Variants in DPYSL4 observed in about 807,000 individuals in gnomAD.
DPYSL4 encodes dihydropyrimidinase-related protein 4.
Under a neutral mutation model 63.4 loss-of-function variants are expected in DPYSL4, and 43 were observed. That is an observed-to-expected ratio of 0.68 (90% CI 0.53 to 0.88). The LOEUF is 0.88. DPYSL4 is among the 40% of genes least tolerant of loss of function. The pLI, the probability that DPYSL4 is intolerant of heterozygous loss-of-function variation, is 0.00. For synonymous variants in DPYSL4, 353 were observed against 331.7 expected, an observed-to-expected ratio of 1.06 and a Z score of -0.70; for missense variants, 733 against 819.5, an observed-to-expected ratio of 0.89 and a Z score of 1.29.
intron 13 of DPYSL4, among the ~76,000 whole-genome samples, chr10:132,204,469 A>C (rs1258055863): frequency 6.6e-6 from 1 of 152,088 alleles, no homozygotes; most frequent in African/African-American, 2.4e-5. Flanking sequence ...CTGGGGACTC[A>C]GGCCTGGGGG....
chr10:132,192,764 C>A lies in DPYSL4; in HGVS notation c.235C>A (p.Pro79Thr), dbSNP rs774754712. ...TGACGTCCACACAAGGCTGCAGATG[C>A]CTGTCCTGGGCATGACACCGGCTGA... is the stretch of plus-strand genomic sequence containing the variant. ...GVDVHTRLQMPVLGMTPADDF... is the reference protein window; with the variant it reads ...GVDVHTRLQMTVLGMTPADDF... Residue 79 changes from proline (P) to threonine (T), a missense_variant, in exon 3 of 14, where the codon CCT becomes ACT. Coordinates refer to ENST00000338492, the MANE Select transcript of DPYSL4 (RefSeq NM_006426.3). 6.2e-7 allele frequency: 1 copy of A among 1,613,356 alleles called. No individual in the cohort carries two copies.
At chr10:132,195,076 T>C (rs934556222) in intron 4 of DPYSL4, 67 bp downstream of exon 4, 8 of 1,526,078 alleles carry the variant, frequency 5.2e-6, no homozygotes, top group African/African-American at 2.7e-5. Context: ...GCCCTGACCC[T>C]GTGTTCTGCC....
At chr10:132,195,986 C>T (rs755031522) in intron 4 of DPYSL4, among the ~76,000 whole-genome samples, 4 of 152,224 alleles carry the variant, frequency 2.6e-5, no homozygotes, top group Non-Finnish European at 5.9e-5. Context: ...GACAGCACTG[C>T]GCAACCCAAA....
Position 132,205,109 on chromosome 10 carries a change from GC to G in DPYSL4, c.*183del. 2.1e-6 allele frequency: 1 copy of G among 471,520 alleles called. No individual in the cohort carries two copies. The highest frequency in any genetic ancestry group is 3.7e-6 in the Non-Finnish European group (1 of 269,148). 29.2% of individuals were successfully genotyped at this position (471,520 alleles called of 1,614,324 possible). ...GGGGTCCCAGGTCCTGCTGCCAAGA[GC>G]CCCTCAAGAGAAGGGCTGAACCTGG... On this transcript the variant is annotated 3_prime_UTR_variant, in exon 14 of 14. Transcript: ENST00000338492.
intron 8 of DPYSL4, among the ~76,000 whole-genome samples, 183 bp downstream of exon 8, chr10:132,199,154 G>C (rs1408307672): frequency 6.6e-6 from 1 of 152,186 alleles, no homozygotes; most frequent in African/African-American, 2.4e-5. Context: ...CTGGACCTGA[G>C]TTTCCAGCCT....
intron 12 of DPYSL4, among the ~76,000 whole-genome samples, chr10:132,203,168 G>A (rs1590106774): frequency 1.3e-5 from 2 of 152,200 alleles, no homozygotes; most frequent in South Asian, 4.1e-4. Flanking sequence ...CTGCCCAGTT[G>A]GACCTCAGTG....
rs746602845 is a variant in DPYSL4, at chr10:132,203,886, C to T, written c.1586C>T (p.Pro529Leu). 11 of 1,612,376 alleles carry T rather than the reference C, an allele frequency of 6.8e-6. No individual in the cohort carries two copies. The highest frequency in any genetic ancestry group is 9.3e-6 in the Non-Finnish European group (11 of 1,179,228). Reference sequence around the variant, plus strand: ...TCCTGCCCAGGCAAGATCTCCGTCCCTCCTGTGCGCAACCTACATCAGTCG... The same window carrying T: ...TCCTGCCCAGGCAAGATCTCCGTCCTTCCTGTGCGCAACCTACATCAGTCG... Reference protein sequence around the residue: ...RASCPGKISVPPVRNLHQSGF... With the variant: ...RASCPGKISVLPVRNLHQSGF... Residue 529 changes from proline to leucine, a missense_variant, in exon 13 of 14, where the codon CCT (proline) becomes CTT (leucine). Transcript: ENST00000338492.
intron 10 of DPYSL4, among the ~76,000 whole-genome samples, chr10:132,201,313 C>T (rs925208788): frequency 5.3e-5 from 8 of 152,136 alleles, no homozygotes; most frequent in African/African-American, 9.7e-5. Flanking sequence ...CCTCACGACC[C>T]GTCGCACACC....
chr10:132,188,063 G>T (rs1312319719), intron 1 of DPYSL4, among the ~76,000 whole-genome samples: 1 of 152,166 alleles, frequency 6.6e-6, no homozygotes, highest in African/African-American at 2.4e-5. Flanking sequence ...CAGATGGGAG[G>T]GGCTGCTGCC....
rs764558162 is a variant in DPYSL4, at chr10:132,204,855, C to T, written c.1644C>T (p.Asp548=). ...TTTCTTCAGGGTCTCAGGCTGATGA[C>T]CACATCGCCCGACGCACAGCACAGA... is the stretch of plus-strand genomic sequence containing the variant. ...GFSLSGSQAD[D]HIARRTAQKI... is the part of the protein sequence containing the mutation. The change falls in exon 14 of 14, where the codon GAC becomes GAT. Residue 548 remains aspartate (D), a synonymous_variant. Transcript: ENST00000338492. 4 of 1,611,788 alleles carry T rather than the reference C, an allele frequency of 2.5e-6. No homozygotes were observed. Among genetic ancestry groups the T allele is most frequent in the Non-Finnish European group, 3.4e-6 (4 of 1,178,790 alleles).
chr10:132,188,690 A>G (rs758156319), intron 1 of DPYSL4, among the ~76,000 whole-genome samples: 33 of 152,226 alleles, frequency 2.2e-4, no homozygotes, highest in Non-Finnish European at 4.7e-4. Flanking sequence ...TTCCTGTCTC[A>G]GCTGCTTGGC....
Position 132,202,772 on chromosome 10 carries a change from C to A in DPYSL4, c.1408C>A (p.Pro470Thr). The A allele has an allele frequency of 6.2e-7, 1 of 1,612,096 alleles. No individual in the cohort carries two copies. The highest frequency in any genetic ancestry group is 8.5e-7 in the Non-Finnish European group (1 of 1,179,364). The change falls in exon 12 of 14, where the codon CCT becomes ACT. Residue 470 changes from proline (P) to threonine (T), a missense_variant. Coordinates refer to ENST00000338492, the MANE Select transcript of DPYSL4 (RefSeq NM_006426.3). The part of the protein sequence containing the change: ...FVTPGAGRFV[P>T]RKTFPDFVYK... ...CACCCCGGGGGCGGGCCGCTTCGTC[C>A]CTCGGAAAACATTCCCGGACTTTGT...
At chr10:132,199,305 C>T (rs1254998167) in intron 8 of DPYSL4, among the ~76,000 whole-genome samples, 1 of 152,154 alleles carries the variant, frequency 6.6e-6, no homozygotes, top group Non-Finnish European at 1.5e-5. Context: ...ACAAGGAGGC[C>T]CTCCCTACAT....
rs748444195 is a variant in DPYSL4, at chr10:132,195,417, T to TC, written c.478+412dup. Among the ~76,000 whole-genome samples the TC allele has an allele frequency of 9.7e-4, 148 of 152,276 alleles. 1 individual carries two copies. Among genetic ancestry groups the TC allele is most frequent in the Admixed American group, 2.3e-3 (35 of 15,300 alleles). On this transcript the variant is annotated intron_variant, in intron 4 of 13. Transcript: ENST00000338492. ...CAGTCTATAAACAAGTTAACATTTTTCCCCACAAAAAACCCTGAAGCTAAA... is the reference window on the plus strand; with the variant it reads ...CAGTCTATAAACAAGTTAACATTTTTCCCCCACAAAAAACCCTGAAGCTAAA...
intron 4 of DPYSL4, 111 bp from the exon 5 acceptor site, chr10:132,196,750 T>C (rs1044671868): frequency 2.4e-5 from 30 of 1,257,768 alleles, no homozygotes; most frequent in Non-Finnish European, 3.2e-5. Flanking sequence ...AGGGAAGCAC[T>C]GCGGGGGAGG....
chr10:132,200,512 G>A lies in DPYSL4; in HGVS notation c.968G>A (p.Ser323Asn), dbSNP rs1310591147. Reference sequence around the variant, plus strand: ...GACCACCTCACCTGCTTGCTGTCCAGGTAAGCAGCCTCTCCAGGTGGCCCC... The same window carrying A: ...GACCACCTCACCTGCTTGCTGTCCAAGTAAGCAGCCTCTCCAGGTGGCCCC... ...TADHLTCLLS[S>N]GDLQVTGSAH... The change falls in exon 9 of 14, where the codon AGC (serine) becomes AAC (asparagine). Residue 323 changes from serine to asparagine, a missense_variant and splice_region_variant. Coordinates refer to ENST00000338492, the MANE Select transcript of DPYSL4 (RefSeq NM_006426.3). The A allele has an allele frequency of 6.2e-7, 1 of 1,612,678 alleles. No individual in the cohort carries two copies. The highest frequency in any genetic ancestry group is 8.5e-7 in the Non-Finnish European group (1 of 1,179,784).
At chr10:132,188,125 A>C (rs1430262131) in intron 1 of DPYSL4, among the ~76,000 whole-genome samples, 2 of 152,102 alleles carry the variant, frequency 1.3e-5, no homozygotes, top group African/African-American at 4.8e-5. Flanking sequence ...AGGTCTTGCC[A>C]GTCAGCTGGC....
chr10:132,192,819 T>C lies in DPYSL4; in HGVS notation c.290T>C (p.Leu97Pro). The C allele has an allele frequency of 5.0e-6, 8 of 1,611,810 alleles. No individual in the cohort carries two copies. Among genetic ancestry groups the C allele is most frequent in the Non-Finnish European group, 5.9e-6 (7 of 1,179,402 alleles). ...TTCTGTCAGGGCACCAAGGCAGCGC[T>C]AGCAGGAGGAACCACCATGATCTGT... ...DDFCQGTKAALAGGTTMILDH... is the reference protein window; with the variant it reads ...DDFCQGTKAAPAGGTTMILDH... The change falls in exon 3 of 14, where the codon CTA (leucine) becomes CCA (proline). Residue 97 changes from leucine to proline, a missense_variant. Coordinates refer to ENST00000338492, the MANE Select transcript of DPYSL4 (RefSeq NM_006426.3).
At chr10:132,204,456 C>T (rs1409773302) in intron 13 of DPYSL4, among the ~76,000 whole-genome samples, 1 of 152,272 alleles carries the variant, frequency 6.6e-6, no homozygotes, top group South Asian at 2.1e-4. Context: ...CCCTGCTCAC[C>T]TCCTGGGGAC....
Sources: gnomAD v4.1 joint callset for allele counts (sites outside exome capture counted in the v4.1 genomes callset) on GRCh38, gnomAD v4.1.1 for gene constraint, MANE v1.5 for transcripts, NCBI Gene and HGNC (gene_info 2026-07-23, HGNC 2026-07-21) for gene names.